Variants in GPNMB observed in about 807,000 individuals in gnomAD.
GPNMB encodes the protein transmembrane glycoprotein NMB.
GPNMB carries 71 observed loss-of-function variants against 57.3 expected under a neutral mutation model. The observed-to-expected ratio is 1.24, with a 90% CI of 1.02 to 1.51. The LOEUF is 1.51. Among genes scored for constraint, GPNMB ranks in the 40% most tolerant of loss-of-function variants. The probability of loss-of-function intolerance (pLI) is 0.00; values close to 1 mark genes in which losing one functional copy is unlikely to be tolerated. For missense variants in GPNMB, 677 were observed against 691.9 expected, an observed-to-expected ratio of 0.98 and a Z score of 0.24; for synonymous variants, 253 against 263.2, an observed-to-expected ratio of 0.96 and a Z score of 0.38.
At position 23,257,032 on chromosome 7, in the gene GPNMB, A is replaced by T. The variant is rs1177828975; in HGVS notation, c.508A>T (p.Arg170Ter). The change falls in exon 4 of 11, where the codon AGA becomes TGA. Residue 170 changes from arginine (R) to a stop codon, truncating the protein, a stop_gained. Transcript: ENST00000258733. LOFTEE classifies it high-confidence loss of function. ...TTTTCCTCACCACCCCGGATGGAGA[A>T]GATGGAATTTCATCTACGTCTTCCA... is the stretch of plus-strand genomic sequence containing the variant. Reference protein sequence around the residue: ...KPFPHHPGWRRWNFIYVFHTL... With the variant: ...KPFPHHPGWR The T allele has an allele frequency of 6.2e-7, 1 of 1,614,216 alleles. No individual in the cohort carries two copies. Among genetic ancestry groups the T allele is most frequent in the Admixed American group, 1.7e-5 (1 of 60,022 alleles).
At chr7:23,250,000 T>C (rs1384830066) in intron 1 of GPNMB, among the ~76,000 whole-genome samples, 1 of 152,244 alleles carries the variant, frequency 6.6e-6, no homozygotes, top group Non-Finnish European at 1.5e-5. Context: ...GATAGGGATA[T>C]AGTGATATTT....
chr7:23,268,722 GAA>G lies in GPNMB; in HGVS notation c.1220+735_1220+736del, dbSNP rs1425687516. On this transcript the variant is annotated intron_variant, in intron 8 of 10. Coordinates refer to ENST00000258733, the MANE Select transcript of GPNMB (RefSeq NM_002510.3). ...AGATGTGGCCTTATTTGGTAGAAGA[GAA>G]GAGCTAAGAAGCTCTCCACCTTGGG... Among the ~76,000 whole-genome samples, 5 of 152,284 alleles carry G rather than the reference GAA, an allele frequency of 3.3e-5. No homozygotes were observed. The East Asian group carries it at 9.6e-4, about 29-fold the overall frequency.
Position 23,267,873 on chromosome 7 carries a change from G to A in GPNMB, c.1118-13G>A, listed in dbSNP as rs373768935. ...TATTTTGATGTGTTTTTCTCTGGGGGTTATTTTGTTAGAGGGAATCTTAGA... is the reference window on the plus strand; with the variant it reads ...TATTTTGATGTGTTTTTCTCTGGGGATTATTTTGTTAGAGGGAATCTTAGA... On this transcript the variant is annotated splice_polypyrimidine_tract_variant and intron_variant, in intron 7 of 10. Transcript: ENST00000258733. 2.0e-5 allele frequency: 31 copies of A among 1,520,078 alleles called. No individual in the cohort carries two copies. The highest frequency in any genetic ancestry group is 2.8e-5 in the Non-Finnish European group (31 of 1,094,844). 94.2% of individuals were successfully genotyped at this position (1,520,078 alleles called of 1,614,324 possible).
chr7:23,260,307 G>T, intron 5 of GPNMB, 149 bp from the exon 6 acceptor site: 1 of 978,698 alleles, frequency 1.0e-6, no homozygotes. Context: ...AATAGCTTAG[G>T]GAAACCCCAG....
intron 7 of GPNMB, among the ~76,000 whole-genome samples, chr7:23,267,517 A>G (rs1404206317): frequency 6.6e-6 from 1 of 152,138 alleles, no homozygotes; most frequent in Non-Finnish European, 1.5e-5. Context: ...GCAGGAATTT[A>G]TTTCTCGTAG....
In GPNMB at chr7:23,274,306, A is replaced by G. The variant is rs1208763057; in HGVS notation, c.*82A>G. On this transcript the variant is annotated 3_prime_UTR_variant, in exon 11 of 11. Coordinates refer to ENST00000258733, the MANE Select transcript of GPNMB (RefSeq NM_002510.3). Reference sequence around the variant, plus strand: ...GAGTGGCTATTAACCTTTTTTTCCTAAAGATTATTGTTAAATAGATATTGT... The same window carrying G: ...GAGTGGCTATTAACCTTTTTTTCCTGAAGATTATTGTTAAATAGATATTGT... 2.9e-6 allele frequency: 3 copies of G among 1,033,090 alleles called. No homozygotes were observed. Among genetic ancestry groups the G allele is most frequent in the East Asian group, 2.4e-5 (1 of 41,946 alleles). The allele number at this position is 1,033,090 out of a possible 1,614,324, so 64.0% of individuals were successfully genotyped here.
chr7:23,267,501 C>T (rs916927518), intron 7 of GPNMB, among the ~76,000 whole-genome samples: 1 of 152,078 alleles, frequency 6.6e-6, no homozygotes, highest in African/African-American at 2.4e-5. Context: ...GGCTTATAAA[C>T]CAACAGCAGG....
At chr7:23,264,950 G>A (rs77862451) in intron 6 of GPNMB, among the ~76,000 whole-genome samples, 4,208 of 152,268 alleles carry the variant, frequency 0.028, 185 homozygotes, top group African/African-American at 0.089. Flanking sequence ...TCCTATTGCT[G>A]TAGAGTAGAT....
chr7:23,273,811 C>A (rs1583843283), intron 10 of GPNMB, 197 bp downstream of exon 10: 2 of 583,312 alleles, frequency 3.4e-6, no homozygotes, highest in East Asian at 5.8e-5. Context: ...AAAGATGCTA[C>A]CAGATCTCAG....
intron 5 of GPNMB, 144 bp from the exon 6 acceptor site, chr7:23,260,312 C>A: frequency 1.0e-6 from 1 of 980,940 alleles, no homozygotes; most frequent in Non-Finnish European, 1.5e-6. Flanking sequence ...CTTAGGGAAA[C>A]CCCAGAAAAC....
intron 1 of GPNMB, among the ~76,000 whole-genome samples, chr7:23,248,523 C>T (rs1782588594): frequency 1.3e-5 from 2 of 152,142 alleles, no homozygotes; most frequent in South Asian, 4.1e-4. Flanking sequence ...CAGAATGTAG[C>T]AGTGTATCAA....
intron 1 of GPNMB, among the ~76,000 whole-genome samples, chr7:23,249,338 T>A (rs1367650323): frequency 6.6e-6 from 1 of 152,232 alleles, no homozygotes; most frequent in Non-Finnish European, 1.5e-5. Context: ...AGTGGTATCA[T>A]CATGCAAAAC....
chr7:23,272,701 A>T (rs988748461), intron 9 of GPNMB, among the ~76,000 whole-genome samples: 3 of 152,196 alleles, frequency 2.0e-5, no homozygotes, highest in African/African-American at 7.2e-5. Flanking sequence ...AATTCTTTCA[A>T]CAAATATCCC....
At chr7:23,271,499 A>G (rs1009339395) in intron 9 of GPNMB, among the ~76,000 whole-genome samples, 5 of 152,214 alleles carry the variant, frequency 3.3e-5, no homozygotes, top group African/African-American at 7.2e-5. Context: ...CAAACAAACA[A>G]AAACACATAT....
At chr7:23,263,284 C>A (rs1386427795) in intron 6 of GPNMB, among the ~76,000 whole-genome samples, 2 of 152,012 alleles carry the variant, frequency 1.3e-5, no homozygotes, top group African/African-American at 4.8e-5. Flanking sequence ...TTTAAAATTT[C>A]TGTTGTAATT....
intron 10 of GPNMB, 169 bp from the exon 11 acceptor site, chr7:23,273,896 A>G (rs1783273515): frequency 1.7e-6 from 1 of 596,274 alleles, no homozygotes; most frequent in Non-Finnish European, 2.9e-6. Context: ...CATTTCTTGC[A>G]TGAACAAGAG....
At chr7:23,247,217 G>C (rs1051301525) in intron 1 of GPNMB, 1 of 421,340 alleles carries the variant, frequency 2.4e-6, no homozygotes, top group East Asian at 5.0e-5. Flanking sequence ...ACAGTGGTTG[G>C]GGGAGGGTTG....
At chr7:23,273,437 C>T (rs1783258090) in intron 9 of GPNMB, 84 bp from the exon 10 acceptor site, 1 of 851,868 alleles carries the variant, frequency 1.2e-6, no homozygotes, top group South Asian at 1.4e-5. Context: ...TGACGGCTCC[C>T]TTCCTCATTT....
In GPNMB at chr7:23,273,501, G is replaced by A. The variant is rs1285218172; in HGVS notation, c.1430-20G>A. On this transcript the variant is annotated intron_variant, in intron 9 of 10. Coordinates refer to ENST00000258733, the MANE Select transcript of GPNMB (RefSeq NM_002510.3). ...TCTAGGTGGAAGACATAACTAACAT[G>A]CTCTTGCTTCTGTTTTAAGACCCAG... 4 of 1,527,944 alleles carry A rather than the reference G, an allele frequency of 2.6e-6. No individual in the cohort carries two copies. Among genetic ancestry groups the A allele is most frequent in the Non-Finnish European group, 3.6e-6 (4 of 1,101,856 alleles). The allele number at this position is 1,527,944 out of a possible 1,614,324, so 94.6% of individuals were successfully genotyped here. A position where few individuals can be genotyped will look rare whatever the true frequency, so the allele number is the denominator to read the frequency against.
Sources: gnomAD v4.1 joint callset for allele counts (sites outside exome capture counted in the v4.1 genomes callset) on GRCh38, gnomAD v4.1.1 for gene constraint, MANE v1.5 for transcripts, NCBI Gene and HGNC (gene_info 2026-07-23, HGNC 2026-07-21) for gene names.